The following NTRK3 variants were observed in gnomAD, a reference collection of about 807,000 sequenced individuals.
NTRK3 encodes the protein NT-3 growth factor receptor.
NTRK3 carries 24 observed loss-of-function variants against 91.7 expected under a neutral mutation model. The ratio of observed to expected loss-of-function variants is 0.26; its 90% CI spans 0.19 to 0.37. The LOEUF (loss-of-function observed/expected upper bound fraction) is 0.37, where lower values mean the gene tolerates loss of function less well. NTRK3 is among the 10% of genes least tolerant of loss of function. The pLI, the probability that NTRK3 is intolerant of heterozygous loss-of-function variation, is 1.00. For missense variants in NTRK3, 880 were observed against 1,068.9 expected (o/e 0.82, Z 2.46); for synonymous variants, 483 against 404.0 (o/e 1.20, Z -2.34).
At chr15:87,925,115 G>A (rs1893318223) in intron 17 of NTRK3, among the ~76,000 whole-genome samples, 1 of 152,142 alleles carries the variant, frequency 6.6e-6, no homozygotes, top group African/African-American at 2.4e-5. Flanking sequence ...CCAGTGTAAA[G>A]GTAATCTTGG....
At chr15:88,181,958 C>T (rs147587205) in intron 5 of NTRK3, among the ~76,000 whole-genome samples, 57 of 152,310 alleles carry the variant, frequency 3.7e-4, no homozygotes, top group African/African-American at 1.3e-3. Context: ...TACAGTGAAA[C>T]TCAAACCCCC....
At chr15:87,885,726 G>T (rs2141515954) in intron 17 of NTRK3, 2 of 1,344,872 alleles carry the variant, frequency 1.5e-6, no homozygotes, top group Non-Finnish European at 2.0e-6. Flanking sequence ...TTTCCAGATG[G>T]ATTAAAGAGC....
intron 14 of NTRK3, among the ~76,000 whole-genome samples, chr15:87,996,617 T>C (rs1369010441): frequency 6.6e-6 from 1 of 152,230 alleles, no homozygotes; most frequent in East Asian, 1.9e-4. Context: ...CAGGACAGCA[T>C]GCCTGCAATG....
At chr15:88,211,150 A>G (rs1404194818) in intron 3 of NTRK3, among the ~76,000 whole-genome samples, 4 of 152,126 alleles carry the variant, frequency 2.6e-5, no homozygotes, top group African/African-American at 7.2e-5. Flanking sequence ...CCCCCCAAAA[A>G]ATATCCTGTA....
At chr15:87,869,102 A>G in exon 19 of NTRK3, 1 of 228,904 alleles carries the variant, frequency 4.4e-6, no homozygotes, top group Non-Finnish European at 8.7e-6. Flanking sequence ...CTTAATTTGC[A>G]GTTCCCTCAG....
At chr15:88,188,643 C>CA (rs1367499000) in intron 3 of NTRK3, among the ~76,000 whole-genome samples, 1 of 152,164 alleles carries the variant, frequency 6.6e-6, no homozygotes, top group Non-Finnish European at 1.5e-5. Flanking sequence ...CAGGCCAATA[C>CA]AAAAAAGTCT....
intron 13 of NTRK3, among the ~76,000 whole-genome samples, chr15:88,123,906 C>G (rs569183517): frequency 1.3e-5 from 2 of 152,142 alleles, no homozygotes; most frequent in Non-Finnish European, 2.9e-5. Context: ...TCAGACTTAA[C>G]GAGTCTATTC....
chr15:87,900,527 A>G (rs1174037151), intron 17 of NTRK3, among the ~76,000 whole-genome samples: 2 of 152,210 alleles, frequency 1.3e-5, no homozygotes, highest in Non-Finnish European at 2.9e-5. Flanking sequence ...CATACTTGGA[A>G]TAATGACATA....
chr15:88,004,476 A>G (rs2076346831), intron 14 of NTRK3, among the ~76,000 whole-genome samples: 1 of 152,180 alleles, frequency 6.6e-6, no homozygotes, highest in African/African-American at 2.4e-5. Context: ...CTTGGGAGAG[A>G]TCAAAAAGTA....
chr15:88,175,971 G>A (rs533393448), intron 5 of NTRK3, among the ~76,000 whole-genome samples: 1 of 152,244 alleles, frequency 6.6e-6, no homozygotes, highest in East Asian at 1.9e-4. Flanking sequence ...CTCTGAGCAA[G>A]AAGAACTGAA....
chr15:88,126,572 A>G (rs755822453), intron 12 of NTRK3, among the ~76,000 whole-genome samples, 199 bp from the exon 13 acceptor site: 1 of 152,186 alleles, frequency 6.6e-6, no homozygotes, highest in Non-Finnish European at 1.5e-5. Context: ...AAATTACCCA[A>G]TTTGATTAGA....
intron 3 of NTRK3, among the ~76,000 whole-genome samples, chr15:88,224,940 C>T (rs1317394900): frequency 6.6e-6 from 1 of 152,250 alleles, no homozygotes; most frequent in Admixed American, 6.5e-5. Flanking sequence ...TGCAGGACTG[C>T]AGTCCCTTGC....
At chr15:88,064,733 A>G (rs1322994520) in intron 13 of NTRK3, among the ~76,000 whole-genome samples, 3 of 152,214 alleles carry the variant, frequency 2.0e-5, no homozygotes, top group Non-Finnish European at 2.9e-5. Flanking sequence ...ACTTAGCTCA[A>G]AAGAGGTTAT....
At chr15:88,150,938 G>C (rs1327600636) in intron 5 of NTRK3, among the ~76,000 whole-genome samples, 2 of 151,948 alleles carry the variant, frequency 1.3e-5, no homozygotes, top group African/African-American at 4.8e-5. Flanking sequence ...CTTCTAGCTG[G>C]GGCCTCACCT....
intron 10 of NTRK3, among the ~76,000 whole-genome samples, chr15:88,134,689 G>A (rs1305013841): frequency 6.6e-6 from 1 of 152,184 alleles, no homozygotes; most frequent in Non-Finnish European, 1.5e-5. Flanking sequence ...TATATACCTT[G>A]ACTCATTTAA....
chr15:87,979,229 T>C (rs993295523), intron 14 of NTRK3: 3 of 828,994 alleles, frequency 3.6e-6, no homozygotes, highest in Non-Finnish European at 4.3e-6. Context: ...TGGTGGCTCA[T>C]GCAGTTTCTA....
intron 13 of NTRK3, among the ~76,000 whole-genome samples, chr15:88,057,178 A>G (rs1003406606): frequency 1.3e-5 from 2 of 149,038 alleles, no homozygotes; most frequent in African/African-American, 2.5e-5. Flanking sequence ...CAAAAAAAAA[A>G]AAAAAGAAAA....
At chr15:88,189,124 G>A (rs2047180554) in intron 3 of NTRK3, among the ~76,000 whole-genome samples, 1 of 152,176 alleles carries the variant, frequency 6.6e-6, no homozygotes, top group Non-Finnish European at 1.5e-5. Flanking sequence ...CCTCAGTGAT[G>A]TCAAGGTAGA....
Position 88,237,859 on chromosome 15 carries a change from AT to A in NTRK3, c.248+18046del, listed in dbSNP as rs1327014476. On this transcript the variant is annotated intron_variant, in intron 3 of 18. Coordinates refer to ENST00000394480, the Ensembl canonical transcript of NTRK3. The surrounding 1 kb of genome is among the most constrained non-coding windows in gnomAD (Gnocchi z 4.0). Reference sequence around the variant, plus strand: ...GTGCTTTAAATTTCATCAGGTATGCATTTTTTTGTTTTATGATTGTTATAAT... The same window carrying A: ...GTGCTTTAAATTTCATCAGGTATGCATTTTTTGTTTTATGATTGTTATAAT... 6.6e-6 allele frequency among the ~76,000 whole-genome samples: 1 copy of A among 152,136 alleles called. No homozygotes were observed. Among genetic ancestry groups the A allele is most frequent in the Non-Finnish European group, 1.5e-5 (1 of 68,018 alleles).
Sources: gnomAD v4.1 joint callset for allele counts (sites outside exome capture counted in the v4.1 genomes callset) on GRCh38, gnomAD v4.1.1 for gene constraint, Gnocchi (gnomAD v3.1) non-coding constraint, MANE v1.5 for transcripts, NCBI Gene and HGNC (gene_info 2026-07-23, HGNC 2026-07-21) for gene names.